Variants in KMT2C observed in about 807,000 individuals in gnomAD.
The protein encoded by KMT2C is histone-lysine N-methyltransferase 2C.
A neutral mutation model predicts 507.9 loss-of-function variants in KMT2C; 88 were observed. That is an observed-to-expected ratio of 0.17 (90% CI 0.15 to 0.21). The LOEUF is 0.21. Among genes scored for constraint, KMT2C ranks in the 10% least tolerant of loss-of-function variants. The pLI is 1.00. For missense variants in KMT2C, 4,954 were observed against 5,957.8 expected (o/e 0.83, Z 5.55); for synonymous variants, 2,049 against 2,080.8 (o/e 0.98, Z 0.42).
intron 2 of KMT2C, 28 bp downstream of exon 2, chr7:152,358,559 A>G: frequency 1.5e-6 from 2 of 1,350,538 alleles, no homozygotes; most frequent in South Asian, 1.2e-5. Flanking sequence ...ATCATTATAC[A>G]TTCTTATAAA....
At chr7:152,426,279 C>T (rs1195508574) in intron 1 of KMT2C, among the ~76,000 whole-genome samples, 2 of 148,300 alleles carry the variant, frequency 1.3e-5, no homozygotes, top group African/African-American at 5.0e-5. Flanking sequence ...GCTCTGTCAC[C>T]CAGGCTGGAG....
intron 6 of KMT2C, among the ~76,000 whole-genome samples, chr7:152,274,144 C>T (rs2096030509): frequency 6.6e-6 from 1 of 151,234 alleles, no homozygotes; most frequent in Non-Finnish European, 1.5e-5. Context: ...TGAAACAAAA[C>T]CTAAAGATTT....
chr7:152,197,386 T>G (rs2093995258), intron 27 of KMT2C, among the ~76,000 whole-genome samples: 1 of 152,200 alleles, frequency 6.6e-6, no homozygotes, highest in African/African-American at 2.4e-5. Flanking sequence ...TTATTTTTAC[T>G]TAAAAGGGGG....
At chr7:152,382,113 T>C (rs2097379468) in intron 1 of KMT2C, among the ~76,000 whole-genome samples, 1 of 152,250 alleles carries the variant, frequency 6.6e-6, no homozygotes, top group Non-Finnish European at 1.5e-5. Context: ...TTCCAACTCT[T>C]TTTTCCACTG....
chr7:152,433,733 C>G (rs2097887197), intron 1 of KMT2C, among the ~76,000 whole-genome samples: 1 of 150,998 alleles, frequency 6.6e-6, no homozygotes, highest in African/African-American at 2.4e-5. Flanking sequence ...CCTATTTCTT[C>G]ATGAGATTCA....
At chr7:152,301,211 A>G (rs978748064) in intron 6 of KMT2C, among the ~76,000 whole-genome samples, 8 of 151,654 alleles carry the variant, frequency 5.3e-5, no homozygotes, top group Non-Finnish European at 1.0e-4. Flanking sequence ...AAAAAAAAAA[A>G]AAAGAAAAGT....
intron 1 of KMT2C, among the ~76,000 whole-genome samples, chr7:152,387,134 A>G (rs6954925): frequency 0.32 from 48,433 of 151,926 alleles, 11,079 homozygotes; most frequent in African/African-American, 0.65. Context: ...TACCATGTAC[A>G]TTAAAGAGAT....
At chr7:152,395,801 T>C (rs1312409364) in intron 1 of KMT2C, among the ~76,000 whole-genome samples, 1 of 152,204 alleles carries the variant, frequency 6.6e-6, no homozygotes, top group East Asian at 1.9e-4. Context: ...GTTTTATACC[T>C]AAATATTAAT....
chr7:152,260,135 T>A (rs548827488), intron 9 of KMT2C, among the ~76,000 whole-genome samples: 15 of 152,296 alleles, frequency 9.8e-5, no homozygotes, highest in African/African-American at 3.6e-4. Flanking sequence ...AGATCATCAA[T>A]TTAGTAACTG....
Position 152,162,378 on chromosome 7 carries a change from C to G in KMT2C, c.11199G>C (p.Glu3733Asp). Residue 3733 changes from glutamate (E) to aspartate (D), a missense_variant, in exon 43 of 59, where the codon GAG (glutamate) becomes GAC (aspartate). Around this residue, in one of 29 missense-constraint regions of KMT2C, gnomAD observed 801 missense variants for 751.2 expected, o/e 1.07. Coordinates refer to ENST00000262189, the MANE Select transcript of KMT2C (RefSeq NM_170606.3). ...TACCATTCTGTTCCTCCAATTTAGGCTCCTCTTGGCCTGGGCAGGACTCTG... is the reference window on the plus strand; with the variant it reads ...TACCATTCTGTTCCTCCAATTTAGGGTCCTCTTGGCCTGGGCAGGACTCTG... Reference protein sequence around the residue: ...AETESCPGQEEPKLEEQNGSK... With the variant: ...AETESCPGQEDPKLEEQNGSK... 6.2e-7 allele frequency: 1 copy of G among 1,614,234 alleles called. No homozygotes were observed. Among genetic ancestry groups the G allele is most frequent in the Non-Finnish European group, 8.5e-7 (1 of 1,180,042 alleles).
rs1205543353 is a variant in KMT2C, at chr7:152,177,424, T to C, written c.8029A>G (p.Ile2677Val). ...PSETTSDNLQ[I>V]TTQPSDGLEE... ...AGACCATCAGAAGGCTGGGTGGTTA[T>C]CTGTAAATTATCAGACGTTGTTTCA... Residue 2677 changes from isoleucine (I) to valine (V), a missense_variant, in exon 38 of 59, where the codon ATA becomes GTA. Physicochemically the swap from Ile to Val is conservative, Grantham distance 29. Around this residue, in one of 29 missense-constraint regions of KMT2C, gnomAD observed 1,689 missense variants for 1,654.3 expected, o/e 1.02. Coordinates refer to ENST00000262189, the MANE Select transcript of KMT2C (RefSeq NM_170606.3). The C allele has an allele frequency of 1.2e-6, 2 of 1,614,060 alleles. No homozygotes were observed. The highest frequency in any genetic ancestry group is 1.7e-6 in the Non-Finnish European group (2 of 1,180,028).
Position 152,150,971 on chromosome 7 carries a change from T to G in KMT2C, c.12703A>C (p.Ile4235Leu). The change falls in exon 51 of 59, where the codon ATT (isoleucine) becomes CTT (leucine). Residue 4235 changes from isoleucine to leucine, a missense_variant. Around this residue, in one of 29 missense-constraint regions of KMT2C, gnomAD observed 417 missense variants for 461.1 expected, o/e 0.90. Coordinates refer to ENST00000262189, the MANE Select transcript of KMT2C (RefSeq NM_170606.3). The part of the protein sequence containing the change: ...RESTKRVEKD[I>L]VFCSNNCFIL... ...AAGCAGTTATTACTACAGAAGACAA[T>G]GTCCTTCTCTACCCTCTTGGTGCTT... 1 of 1,613,208 alleles carries G rather than the reference T, an allele frequency of 6.2e-7. No individual in the cohort carries two copies. The highest frequency in any genetic ancestry group is 8.5e-7 in the Non-Finnish European group (1 of 1,179,334).
chr7:152,244,327 G>A (rs1060768), intron 14 of KMT2C, among the ~76,000 whole-genome samples: 1 of 152,046 alleles, frequency 6.6e-6, no homozygotes, highest in Non-Finnish European at 1.5e-5. Flanking sequence ...ACAATATGTG[G>A]CAGTGTCAAT....
intron 31 of KMT2C, among the ~76,000 whole-genome samples, chr7:152,192,990 A>T (rs928533343): frequency 2.6e-5 from 4 of 152,088 alleles, no homozygotes; most frequent in African/African-American, 7.2e-5. Flanking sequence ...CCTGGGCAAC[A>T]AAGTGAGACC....
rs1253285455 is a variant in KMT2C at position 152,307,248 on chromosome 7, A to AGGAAGGAAGGAC, written c.849+2717_849+2718insGTCCTTCCTTCC. Among the ~76,000 whole-genome samples, 230 of 116,972 alleles carry AGGAAGGAAGGAC rather than the reference A, an allele frequency of 2.0e-3. 1 individual carries two copies. The highest frequency in any genetic ancestry group is 3.8e-3 in the African/African-American group (90 of 23,502). The allele number at this position is 116,972 out of a possible 152,430, so 76.7% of individuals were successfully genotyped here. A position where few individuals can be genotyped will look rare whatever the true frequency, so the allele number is the denominator to read the frequency against. ...AAGGAAGGAAGGAAGGAAGGAAGGAAGGACGGTAGGAAGGAAGGAAGGAAG... is the reference window on the plus strand; with the variant it reads ...AAGGAAGGAAGGAAGGAAGGAAGGAAGGAAGGAAGGACGGACGGTAGGAAGGAAGGAAGGAAG... On this transcript the variant is annotated intron_variant, in intron 6 of 58. Coordinates refer to ENST00000262189, the MANE Select transcript of KMT2C (RefSeq NM_170606.3).
chr7:152,332,439 G>A (rs1410459049), intron 2 of KMT2C, among the ~76,000 whole-genome samples: 1 of 152,144 alleles, frequency 6.6e-6, no homozygotes, highest in Non-Finnish European at 1.5e-5. Flanking sequence ...GTCCTTTCAA[G>A]CGCCTCTTCT....
chr7:152,364,975 C>G (rs528279175), intron 1 of KMT2C, among the ~76,000 whole-genome samples: 1 of 143,742 alleles, frequency 7.0e-6, no homozygotes, highest in African/African-American at 2.7e-5. Context: ...ACACACGTAC[C>G]AGTAAGGTAC....
chr7:152,217,312 T>C (rs183680125), intron 23 of KMT2C, among the ~76,000 whole-genome samples: 126 of 152,360 alleles, frequency 8.3e-4, no homozygotes, highest in African/African-American at 3.0e-3. Context: ...TGTGTGTACA[T>C]GTAGTTTCAG....
At chr7:152,279,149 A>G (rs1301743601) in intron 6 of KMT2C, among the ~76,000 whole-genome samples, 1 of 152,320 alleles carries the variant, frequency 6.6e-6, no homozygotes, top group East Asian at 1.9e-4. Flanking sequence ...TACAATAAAA[A>G]TTAGAAATTC....
Sources: allele counts gnomAD v4.1 joint callset (sites outside exome capture counted in the v4.1 genomes callset), GRCh38; gene constraint gnomAD v4.1.1; regional missense constraint gnomAD v4.1.1; transcripts MANE v1.5; gene names NCBI Gene and HGNC (gene_info 2026-07-23, HGNC 2026-07-21).